BRINP3: variants seen among roughly 807,000 people sequenced by gnomAD.
BRINP3 encodes the protein BMP/retinoic acid-inducible neural-specific protein 3.
In BRINP3, 19 loss-of-function variants were observed where a neutral mutation model predicts 71.0. The observed-to-expected ratio is 0.27, with a 90% CI of 0.19 to 0.39. BRINP3 has a LOEUF of 0.39. Among genes scored for constraint, BRINP3 ranks in the 10% least tolerant of loss-of-function variants. The pLI is 1.00. For missense variants in BRINP3, 959 were observed against 940.8 expected, an observed-to-expected ratio of 1.02 and a Z score of -0.25; for synonymous variants, 380 against 337.7, an observed-to-expected ratio of 1.13 and a Z score of -1.37.
In BRINP3 at chr1:190,249,357, T is replaced by A. The variant is rs183627597; in HGVS notation, c.619-14880A>T. 5.0e-4 allele frequency among the ~76,000 whole-genome samples: 76 copies of A among 151,986 alleles called. No homozygotes were observed. In the East Asian group the frequency reaches 0.013, roughly 26 times the overall value. On this transcript the variant is annotated intron_variant, in intron 4 of 7. Transcript: ENST00000367462. The stretch of plus-strand genomic sequence containing the variant: ...ATTTACCCTTATATGGAGTACTAAA[T>A]ATTTTTATTATTTCTAGCAATTACA...
At position 190,180,736 on chromosome 1, in the gene BRINP3, G is replaced by A. The variant is rs75229615; in HGVS notation, c.962-19846C>T. ...TTTTTCAAAGACTTTAGAAGTCAGT[G>A]TGTTAGCCATAGTATTTAAATATTA... On this transcript the variant is annotated intron_variant, in intron 6 of 7. Coordinates refer to ENST00000367462, the MANE Select transcript of BRINP3 (RefSeq NM_199051.3). 9.9e-5 allele frequency among the ~76,000 whole-genome samples: 15 copies of A among 152,086 alleles called. No homozygotes were observed. The East Asian group carries it at 2.9e-3, about 29-fold the overall frequency.
At chr1:190,230,724 A>G (rs1479746498) in intron 5 of BRINP3, among the ~76,000 whole-genome samples, 2 of 151,688 alleles carry the variant, frequency 1.3e-5, no homozygotes, top group African/African-American at 4.8e-5. Context: ...CTTCTTTTTC[A>G]TACATCTTCT....
chr1:190,267,899 T>C (rs1487897951), intron 3 of BRINP3, among the ~76,000 whole-genome samples: 1 of 152,020 alleles, frequency 6.6e-6, no homozygotes, highest in Admixed American at 6.6e-5. Flanking sequence ...ATAAAAAAAT[T>C]GATAATACTG....
chr1:190,328,767 C>T, intron 2 of BRINP3, among the ~76,000 whole-genome samples: 1 of 146,494 alleles, frequency 6.8e-6, no homozygotes. Flanking sequence ...TGAACATAGA[C>T]ACAAAAATCC....
chr1:190,468,326 T>C (rs1321197867), intron 1 of BRINP3, among the ~76,000 whole-genome samples: 1 of 151,336 alleles, frequency 6.6e-6, no homozygotes, highest in East Asian at 1.9e-4. Context: ...TGATTCTTAC[T>C]TGAAATCAGA....
intron 2 of BRINP3, among the ~76,000 whole-genome samples, chr1:190,338,290 G>T (rs1485251162): frequency 6.6e-6 from 1 of 151,964 alleles, no homozygotes; most frequent in Non-Finnish European, 1.5e-5. Context: ...TTGTCATTTT[G>T]TTTACACTAT....
At chr1:190,241,897 T>G (rs2102772338) in intron 4 of BRINP3, among the ~76,000 whole-genome samples, 1 of 151,838 alleles carries the variant, frequency 6.6e-6, no homozygotes, top group East Asian at 1.9e-4. Context: ...TTTCCCTTCA[T>G]TTCTCAACTG....
chr1:190,337,776 T>C (rs1472088535), intron 2 of BRINP3, among the ~76,000 whole-genome samples: 1 of 152,120 alleles, frequency 6.6e-6, no homozygotes, highest in Non-Finnish European at 1.5e-5. Flanking sequence ...CCCTTTCATA[T>C]ATACACCTAT....
intron 2 of BRINP3, among the ~76,000 whole-genome samples, chr1:190,436,762 C>T (rs1674484723): frequency 6.6e-6 from 1 of 151,658 alleles, no homozygotes. Context: ...TTGACCATAG[C>T]TGAAAATAAG....
intron 2 of BRINP3, among the ~76,000 whole-genome samples, chr1:190,354,346 G>A (rs75191129): frequency 0.016 from 2,464 of 151,856 alleles, 18 homozygotes; most frequent in Admixed American, 0.026. Flanking sequence ...TACGATGCAC[G>A]GACAGCCCCA....
intron 2 of BRINP3, among the ~76,000 whole-genome samples, chr1:190,343,501 T>C (rs536084982): frequency 6.6e-6 from 1 of 151,916 alleles, no homozygotes; most frequent in East Asian, 1.9e-4. Flanking sequence ...ATAATAAGCA[T>C]TCTGCACAGG....
intron 7 of BRINP3, among the ~76,000 whole-genome samples, chr1:190,141,193 T>C (rs926688921): frequency 6.6e-6 from 1 of 152,138 alleles, no homozygotes; most frequent in African/African-American, 2.4e-5. Flanking sequence ...AATGAAAATA[T>C]CAAATGTCAA....
At chr1:190,174,145 C>T (rs1204051311) in intron 6 of BRINP3, among the ~76,000 whole-genome samples, 1 of 152,110 alleles carries the variant, frequency 6.6e-6, no homozygotes, top group Non-Finnish European at 1.5e-5. Flanking sequence ...TTATAATTTA[C>T]ATGTTACTTC....
chr1:190,334,890 G>A (rs989526812), intron 2 of BRINP3, among the ~76,000 whole-genome samples: 4 of 151,692 alleles, frequency 2.6e-5, no homozygotes, highest in African/African-American at 9.7e-5. Context: ...AGAAGTGGTG[G>A]TAGTCTCTAT....
chr1:190,284,909 T>C (rs1295162705), intron 2 of BRINP3, among the ~76,000 whole-genome samples: 1 of 152,104 alleles, frequency 6.6e-6, no homozygotes, highest in Non-Finnish European at 1.5e-5. Flanking sequence ...TCTCCCCATA[T>C]TTTCATATAA....
intron 4 of BRINP3, among the ~76,000 whole-genome samples, chr1:190,255,753 T>C (rs1315347367): frequency 2.4e-5 from 3 of 124,940 alleles, no homozygotes; most frequent in Non-Finnish European, 3.8e-5. Context: ...ATTGATTTTT[T>C]GAAGGGTTTT....
chr1:190,472,804 G>A (rs1677219350), intron 1 of BRINP3, among the ~76,000 whole-genome samples: 1 of 139,436 alleles, frequency 7.2e-6, no homozygotes, highest in African/African-American at 2.7e-5. Flanking sequence ...CAAGATAATG[G>A]TAGAAATTAC....
chr1:190,258,061 C>CTT (rs1660829556), intron 4 of BRINP3, among the ~76,000 whole-genome samples: 1 of 152,210 alleles, frequency 6.6e-6, no homozygotes, highest in African/African-American at 2.4e-5. Context: ...TTTCTGCTGC[C>CTT]TTTTGTTCAG....
At chr1:190,433,395 C>T (rs950329337) in intron 2 of BRINP3, among the ~76,000 whole-genome samples, 5 of 152,140 alleles carry the variant, frequency 3.3e-5, no homozygotes, top group Non-Finnish European at 7.4e-5. Flanking sequence ...TTAACCTCAT[C>T]TAAGATTAAC....
Sources: allele counts gnomAD v4.1 joint callset (sites outside exome capture counted in the v4.1 genomes callset), GRCh38; gene constraint gnomAD v4.1.1; transcripts MANE v1.5; gene names NCBI Gene and HGNC (gene_info 2026-07-23, HGNC 2026-07-21).